UST: variants seen among roughly 807,000 people sequenced by gnomAD.
UST encodes the protein chondroitin sulfate 2-O-sulfotransferase.
A neutral mutation model predicts 45.6 loss-of-function variants in UST; 21 were observed. The ratio of observed to expected loss-of-function variants is 0.46; its 90% CI spans 0.33 to 0.66. The LOEUF is 0.66. Ranked by LOEUF, UST falls within the 30% of genes least tolerant of loss-of-function variation. The pLI is 0.02. For missense variants in UST, 463 were observed against 512.4 expected, an observed-to-expected ratio of 0.90 and a Z score of 0.93; for synonymous variants, 215 against 200.6, an observed-to-expected ratio of 1.07 and a Z score of -0.61.
chr6:148,774,232 ACT>A (rs1241573815), intron 1 of UST, among the ~76,000 whole-genome samples: 1 of 150,762 alleles, frequency 6.6e-6, no homozygotes, highest in Non-Finnish European at 1.5e-5. Context: ...ATAACTAAAC[ACT>A]CTCCATTCCT....
At chr6:149,025,578 G>T (rs1479259009) in intron 7 of UST, among the ~76,000 whole-genome samples, 4 of 152,130 alleles carry the variant, frequency 2.6e-5, no homozygotes, top group Non-Finnish European at 4.4e-5. Flanking sequence ...GGCCCCAGCA[G>T]GTTTACTCGG....
At chr6:149,009,953 A>G (rs1315430388) in intron 5 of UST, among the ~76,000 whole-genome samples, 1 of 151,646 alleles carries the variant, frequency 6.6e-6, no homozygotes, top group Non-Finnish European at 1.5e-5. Flanking sequence ...ACCATCTTAG[A>G]TCCAATCATT....
At chr6:149,049,082 A>G (rs1776437409) in intron 7 of UST, among the ~76,000 whole-genome samples, 1 of 152,242 alleles carries the variant, frequency 6.6e-6, no homozygotes, top group African/African-American at 2.4e-5. Context: ...CAAATTGTAT[A>G]TTAAAATTGA....
intron 5 of UST, among the ~76,000 whole-genome samples, chr6:148,968,275 T>G (rs1386259504): frequency 6.6e-6 from 1 of 152,256 alleles, no homozygotes; most frequent in Non-Finnish European, 1.5e-5. Context: ...CTATACCTTA[T>G]TTTCTGGGAA....
At chr6:148,972,913 G>A (rs966425310) in intron 5 of UST, among the ~76,000 whole-genome samples, 35 of 151,902 alleles carry the variant, frequency 2.3e-4, no homozygotes, top group African/African-American at 8.5e-4. Context: ...CAGAAGTGAG[G>A]CCAATGTGTA....
intron 1 of UST, among the ~76,000 whole-genome samples, chr6:148,756,927 T>C (rs906047239): frequency 1.3e-5 from 2 of 152,246 alleles, no homozygotes; most frequent in Non-Finnish European, 2.9e-5. Context: ...TCTAGCTCAG[T>C]TGATGCCTTT....
intron 5 of UST, among the ~76,000 whole-genome samples, chr6:148,980,316 C>T (rs1781105159): frequency 6.6e-6 from 1 of 152,072 alleles, no homozygotes; most frequent in African/African-American, 2.4e-5. Context: ...TCTCAGATGT[C>T]CCCATCTTCT....
In UST at chr6:148,884,015, C is replaced by A. The variant is rs1398853501; in HGVS notation, c.248-2971C>A. On this transcript the variant is annotated intron_variant, in intron 1 of 7. Transcript: ENST00000367463. ...AGGTGTGGTGGTGCATGCCTGTAATCCCAGCTGCTCGGGAGGCTGAGGCAG... is the reference window on the plus strand; with the variant it reads ...AGGTGTGGTGGTGCATGCCTGTAATACCAGCTGCTCGGGAGGCTGAGGCAG... Among the ~76,000 whole-genome samples the A allele has an allele frequency of 5.3e-5, 8 of 152,116 alleles. No individual in the cohort carries two copies. The East Asian group carries it at 1.4e-3, about 26-fold the overall frequency.
At chr6:148,811,057 T>C (rs1777248687) in intron 1 of UST, among the ~76,000 whole-genome samples, 1 of 152,198 alleles carries the variant, frequency 6.6e-6, no homozygotes, top group South Asian at 2.1e-4. Flanking sequence ...CAGCTATCTA[T>C]TGCCACAATA....
chr6:148,941,074 A>G (rs529703495), intron 2 of UST, among the ~76,000 whole-genome samples: 4 of 152,236 alleles, frequency 2.6e-5, no homozygotes, highest in African/African-American at 7.2e-5. Flanking sequence ...AGTTAAGAAG[A>G]CCAACATTTC....
At chr6:149,029,093 C>T (rs1248400450) in intron 7 of UST, among the ~76,000 whole-genome samples, 1 of 151,960 alleles carries the variant, frequency 6.6e-6, no homozygotes, top group African/African-American at 2.4e-5. Flanking sequence ...CGGGAGTTTA[C>T]ATAACGCTTG....
chr6:148,999,552 G>A (rs543683642), intron 5 of UST, among the ~76,000 whole-genome samples: 1 of 152,248 alleles, frequency 6.6e-6, no homozygotes, highest in Non-Finnish European at 1.5e-5. Flanking sequence ...CAAACTCACT[G>A]CTATGATGTA....
intron 7 of UST, among the ~76,000 whole-genome samples, chr6:149,030,037 C>T (rs772108828): frequency 6.6e-6 from 1 of 152,100 alleles, no homozygotes; most frequent in Non-Finnish European, 1.5e-5. Flanking sequence ...TAACAATATG[C>T]AGTTATAAAA....
intron 5 of UST, among the ~76,000 whole-genome samples, chr6:149,011,740 A>T (rs1174665106): frequency 1.3e-5 from 2 of 152,202 alleles, no homozygotes; most frequent in Non-Finnish European, 2.9e-5. Flanking sequence ...TGAACCTGGG[A>T]GGCAGAGGTT....
chr6:148,786,955 C>T lies in UST; in HGVS notation c.247+39278C>T, dbSNP rs181043046. On this transcript the variant is annotated intron_variant, in intron 1 of 7. Coordinates refer to ENST00000367463, the MANE Select transcript of UST (RefSeq NM_005715.3). ...TATTGTGGTTTTGATTTACATTTCTCTAATAATCAATGATGTTGAGCTTTT... is the reference window on the plus strand; with the variant it reads ...TATTGTGGTTTTGATTTACATTTCTTTAATAATCAATGATGTTGAGCTTTT... Among the ~76,000 whole-genome samples the T allele has an allele frequency of 5.9e-5, 9 of 152,298 alleles. No individual in the cohort carries two copies. In the East Asian group the frequency reaches 1.7e-3, roughly 29 times the overall value.
chr6:148,858,743 T>G (rs1778252004), intron 1 of UST, among the ~76,000 whole-genome samples: 2 of 151,918 alleles, frequency 1.3e-5, no homozygotes, highest in African/African-American at 2.4e-5. Context: ...TGAGAACATG[T>G]GGTGTTTGGT....
intron 5 of UST, among the ~76,000 whole-genome samples, chr6:148,977,708 C>T (rs575149869): frequency 1.4e-4 from 20 of 145,100 alleles, no homozygotes; most frequent in South Asian, 8.8e-4. Flanking sequence ...GCCAAGATCG[C>T]GCCACTGTAC....
chr6:148,934,182 C>T lies in UST; in HGVS notation c.292-7097C>T, dbSNP rs1025984339. Reference sequence around the variant, plus strand: ...GGTGTGAAGTGACTGGCTTCTAGCACCACAGTGTCCTAGGAACTTTAACAT... The same window carrying T: ...GGTGTGAAGTGACTGGCTTCTAGCATCACAGTGTCCTAGGAACTTTAACAT... On this transcript the variant is annotated intron_variant, in intron 2 of 7. Coordinates refer to ENST00000367463, the MANE Select transcript of UST (RefSeq NM_005715.3). The surrounding 1 kb of genome is among the most constrained non-coding windows in gnomAD (Gnocchi z 4.1). 1.3e-5 allele frequency among the ~76,000 whole-genome samples: 2 copies of T among 152,126 alleles called. No homozygotes were observed. Among genetic ancestry groups the T allele is most frequent in the African/African-American group, 4.8e-5 (2 of 41,430 alleles).
chr6:148,802,048 A>G (rs1389135631), intron 1 of UST, among the ~76,000 whole-genome samples: 1 of 152,222 alleles, frequency 6.6e-6, no homozygotes, highest in Admixed American at 6.5e-5. Context: ...AAAGTTTTCC[A>G]TGTAAGCAAC....
Sources: gnomAD v4.1 joint callset for allele counts (sites outside exome capture counted in the v4.1 genomes callset) on GRCh38, gnomAD v4.1.1 for gene constraint, Gnocchi (gnomAD v3.1) non-coding constraint, MANE v1.5 for transcripts, NCBI Gene and HGNC (gene_info 2026-07-23, HGNC 2026-07-21) for gene names.